Variants in HTR2C observed in about 807,000 individuals in gnomAD.
HTR2C encodes the protein 5-hydroxytryptamine receptor 2C, also known as 5-hydroxytryptamine (serotonin) receptor 2C, G protein-coupled.
HTR2C carries 5 observed loss-of-function variants against 21.0 expected under a neutral mutation model. That is an observed-to-expected ratio of 0.24 (90% CI 0.12 to 0.50). The LOEUF is 0.50. Among genes scored for constraint, HTR2C ranks in the 20% least tolerant of loss-of-function variants. The pLI is 0.98. For missense variants in HTR2C, 271 were observed against 371.2 expected (o/e 0.73, Z 2.22); for synonymous variants, 150 against 145.3 (o/e 1.03, Z -0.23).
chrX:114,726,211 C>G (rs1350766127), intron 2 of HTR2C, among the ~76,000 whole-genome samples: 1 of 112,530 alleles, frequency 8.9e-6, no homozygotes, highest in Admixed American at 9.4e-5. Flanking sequence ...AGGATATAAT[C>G]TCCTGGTGCG....
At chrX:114,698,480 GCACACACACA>G in intron 2 of HTR2C, among the ~76,000 whole-genome samples, 1 of 37,281 alleles carries the variant, frequency 2.7e-5, no homozygotes, top group Middle Eastern at 0.012. Context: ...ACACAAACAC[GCACACACACA>G]GAGAAATGTT....
intron 4 of HTR2C, among the ~76,000 whole-genome samples, chrX:114,733,366 C>T (rs2069555225): frequency 9.2e-6 from 1 of 108,261 alleles, no homozygotes; most frequent in Admixed American, 1.0e-4. Context: ...CTCGAGATCA[C>T]AACACTGCAC....
chrX:114,884,092 C>A (rs1292498087), intron 5 of HTR2C, among the ~76,000 whole-genome samples: 1 of 111,115 alleles, frequency 9.0e-6, no homozygotes, highest in African/African-American at 3.3e-5. Flanking sequence ...CATGTTGTCA[C>A]AAATGACAGG....
intron 4 of HTR2C, among the ~76,000 whole-genome samples, chrX:114,783,188 T>A (rs1280027306): frequency 2.2e-4 from 24 of 110,937 alleles, no homozygotes; most frequent in Non-Finnish European, 1.9e-5. Context: ...CAAGACAAAA[T>A]GAAATAAGAC....
At chrX:114,649,014 C>T (rs1239224047) in intron 2 of HTR2C, among the ~76,000 whole-genome samples, 1 of 111,551 alleles carries the variant, frequency 9.0e-6, no homozygotes, top group African/African-American at 3.3e-5. Flanking sequence ...GCCTACTGTA[C>T]GCTACATACG....
chrX:114,806,978 T>C (rs1464812395), intron 4 of HTR2C, among the ~76,000 whole-genome samples: 1 of 101,537 alleles, frequency 9.8e-6, no homozygotes, highest in African/African-American at 3.5e-5. Context: ...ATATATACCA[T>C]ATATATACCA....
intron 4 of HTR2C, among the ~76,000 whole-genome samples, chrX:114,803,517 G>A (rs2070372724): frequency 9.4e-6 from 1 of 106,192 alleles, no homozygotes; most frequent in South Asian, 4.3e-4. Flanking sequence ...TTTTTTGGCT[G>A]CATAAAGGTC....
chrX:114,601,596 C>T (rs1282939168), intron 1 of HTR2C, among the ~76,000 whole-genome samples: 1 of 109,106 alleles, frequency 9.2e-6, no homozygotes, highest in Non-Finnish European at 1.9e-5. Context: ...GGTGGAATGT[C>T]ATCAGTTAAG....
intron 4 of HTR2C, among the ~76,000 whole-genome samples, chrX:114,806,479 G>GTA (rs1480091794): frequency 2.8e-4 from 1 of 3,623 alleles, no homozygotes; most frequent in Non-Finnish European, 1.2e-3. Flanking sequence ...TATATATACT[G>GTA]TATATATATA....
chrX:114,767,274 C>CT (rs2069956124), intron 4 of HTR2C, among the ~76,000 whole-genome samples: 1 of 110,668 alleles, frequency 9.0e-6, no homozygotes, highest in Non-Finnish European at 1.9e-5. Flanking sequence ...TTAGAGTATA[C>CT]ATGGGATAAT....
At chrX:114,870,526 T>G (rs1339096004) in intron 5 of HTR2C, among the ~76,000 whole-genome samples, 9 of 111,640 alleles carry the variant, frequency 8.1e-5, no homozygotes, top group Non-Finnish European at 1.3e-4. Context: ...TTGGTAGAAT[T>G]TATCTGTGAA....
chrX:114,767,413 T>C (rs926470430), intron 4 of HTR2C, among the ~76,000 whole-genome samples: 2 of 110,694 alleles, frequency 1.8e-5, no homozygotes, highest in East Asian at 5.6e-4. Flanking sequence ...GAACAAAACT[T>C]TAAAGGGGAA....
chrX:114,802,582 T>C (rs192226098), intron 4 of HTR2C, among the ~76,000 whole-genome samples: 1 of 110,840 alleles, frequency 9.0e-6, no homozygotes, highest in East Asian at 2.9e-4. Context: ...CAAGCTGTTA[T>C]GAAGCCCATG....
At chrX:114,649,905 G>A (rs1360170102) in intron 2 of HTR2C, among the ~76,000 whole-genome samples, 3 of 111,684 alleles carry the variant, frequency 2.7e-5, no homozygotes, top group Non-Finnish European at 5.6e-5. Context: ...GTGAGCCACC[G>A]TGCCCGGCCT....
chrX:114,595,446 C>T (rs1215957661), intron 1 of HTR2C, among the ~76,000 whole-genome samples: 3 of 109,532 alleles, frequency 2.7e-5, no homozygotes, highest in African/African-American at 6.7e-5. Flanking sequence ...AGGCTGGTCT[C>T]GCACTCCTGG....
chrX:114,659,953 TAAGC>T (rs1219181386), intron 2 of HTR2C, among the ~76,000 whole-genome samples: 4 of 111,415 alleles, frequency 3.6e-5, no homozygotes, highest in Non-Finnish European at 5.7e-5. Context: ...AAGAAGTAAA[TAAGC>T]AAACAAACAA....
At chrX:114,585,183 A>G (rs1178461563) in intron 1 of HTR2C, among the ~76,000 whole-genome samples, 2 of 110,246 alleles carry the variant, frequency 1.8e-5, no homozygotes, top group African/African-American at 6.6e-5. Flanking sequence ...AGGATCCTTT[A>G]TTATGTTCTC....
At chrX:114,877,717 G>T (rs2071149830) in intron 5 of HTR2C, among the ~76,000 whole-genome samples, 2 of 109,260 alleles carry the variant, frequency 1.8e-5, no homozygotes, top group South Asian at 7.7e-4. Context: ...TTAACCCATT[G>T]GTTATTTGGG....
chrX:114,762,185 T>C (rs1556432729), intron 4 of HTR2C, among the ~76,000 whole-genome samples: 1 of 109,691 alleles, frequency 9.1e-6, no homozygotes, highest in East Asian at 2.9e-4. Flanking sequence ...ATGCCTTAAA[T>C]CCAAACCCCC....
Sources: allele counts gnomAD v4.1 joint callset (sites outside exome capture counted in the v4.1 genomes callset), GRCh38; gene constraint gnomAD v4.1.1; transcripts MANE v1.5; gene names NCBI Gene and HGNC (gene_info 2026-07-23, HGNC 2026-07-21).